Variants in RGS6 observed in about 807,000 individuals in gnomAD.
The protein encoded by RGS6 is regulator of G-protein signaling 6.
Under a neutral mutation model 78.5 loss-of-function variants are expected in RGS6, and 30 were observed. The observed-to-expected ratio is 0.38, with a 90% CI of 0.29 to 0.52. RGS6 has a LOEUF of 0.52. Ranked by LOEUF, RGS6 falls within the 20% of genes least tolerant of loss-of-function variation. RGS6 has a pLI of 0.85. For synonymous variants in RGS6, 206 were observed against 206.0 expected, an observed-to-expected ratio of 1.00 and a Z score of 0.00; for missense variants, 495 against 609.7, an observed-to-expected ratio of 0.81 and a Z score of 1.98.
At chr14:72,572,557 G>C in the RGS6 span, among the ~76,000 whole-genome samples, 1 of 152,208 alleles carries the variant, frequency 6.6e-6, no homozygotes, top group Non-Finnish European at 1.5e-5. Flanking sequence ...AAAGACTATA[G>C]ATTGTATGAC....
chr14:72,159,993 T>C, intron 2 of RGS6, among the ~76,000 whole-genome samples: 1 of 152,232 alleles, frequency 6.6e-6, no homozygotes, highest in Non-Finnish European at 1.5e-5. Context: ...TCATAATAAA[T>C]TACAGTTCTT....
chr14:72,613,255 T>C, the RGS6 span, among the ~76,000 whole-genome samples: 1 of 152,302 alleles, frequency 6.6e-6, no homozygotes, highest in East Asian at 1.9e-4. Flanking sequence ...AAGGCCCACT[T>C]ACCTGCCCTC....
rs528747533 is a variant in RGS6, at chr14:72,446,562, G to A, written c.185-7966G>A. Among the ~76,000 whole-genome samples, 9 of 152,318 alleles carry A rather than the reference G, an allele frequency of 5.9e-5. No individual in the cohort carries two copies. The South Asian group carries it at 1.9e-3, about 32-fold the overall frequency. ...CCAGGGACCAGTTTCATGGAAGACA[G>A]TTTTTCCACGGACCAGGGTTGTGGG... On this transcript the variant is annotated intron_variant, in intron 3 of 17. Coordinates refer to ENST00000553525, the MANE Select transcript of RGS6 (RefSeq NM_001204424.2).
chr14:72,613,333 C>T, the RGS6 span, among the ~76,000 whole-genome samples: 1 of 152,168 alleles, frequency 6.6e-6, no homozygotes, highest in Non-Finnish European at 1.5e-5. Flanking sequence ...CCATTTTGCT[C>T]AATGCCTGGG....
intron 17 of RGS6, among the ~76,000 whole-genome samples, chr14:72,542,721 A>G (rs1400162895): frequency 6.6e-6 from 1 of 152,212 alleles, no homozygotes; most frequent in Non-Finnish European, 1.5e-5. Context: ...GCTTGTCAAG[A>G]CTGAATCTGA....
At chr14:72,150,288 G>A (rs1425446885) in intron 2 of RGS6, among the ~76,000 whole-genome samples, 1 of 152,152 alleles carries the variant, frequency 6.6e-6, no homozygotes, top group Non-Finnish European at 1.5e-5. Context: ...CCAGAAGCTG[G>A]AAGAGGCAAG....
chr14:72,022,321 A>G (rs147320836), intron 2 of RGS6: 3 of 152,302 alleles, frequency 2.0e-5, no homozygotes, highest in Admixed American at 6.5e-5. Flanking sequence ...GTCGAATGAT[A>G]GTTCTGCTTT....
intron 2 of RGS6, among the ~76,000 whole-genome samples, chr14:72,320,719 A>G (rs1595764534): frequency 1.3e-5 from 2 of 151,760 alleles, no homozygotes; most frequent in Non-Finnish European, 2.9e-5. Flanking sequence ...AAATAAGTGC[A>G]GAAACTTTTG....
At chr14:72,476,642 G>A in intron 10 of RGS6, 100 bp from the exon 11 acceptor site, 3 of 789,988 alleles carry the variant, frequency 3.8e-6, no homozygotes, top group Admixed American at 2.4e-5. Context: ...ATTGTCATGA[G>A]GGGATTCACG....
rs1292082516 is a variant in RGS6 at position 72,556,207 on chromosome 14, T to C, written c.1423-6210T>C. On this transcript the variant is annotated intron_variant, in intron 17 of 17. Transcript: ENST00000553525. ...GGGTAATTTCTAATGAAAAGAGGTT[T>C]AATTGACTCACAGTTCCACATGGCT... 2.0e-5 allele frequency among the ~76,000 whole-genome samples: 3 copies of C among 152,334 alleles called. No homozygotes were observed. The East Asian group carries it at 5.8e-4, about 29-fold the overall frequency.
intron 2 of RGS6, among the ~76,000 whole-genome samples, chr14:72,289,274 T>G (rs1311770199): frequency 1.3e-5 from 2 of 152,134 alleles, no homozygotes; most frequent in African/African-American, 4.8e-5. Flanking sequence ...TTTCTTTGTC[T>G]CCCATGTTCT....
intron 3 of RGS6, among the ~76,000 whole-genome samples, chr14:72,442,562 G>A (rs1354679164): frequency 6.6e-6 from 1 of 152,148 alleles, no homozygotes; most frequent in Admixed American, 6.5e-5. Context: ...CATTGCTGGT[G>A]GATGAATAAA....
intron 2 of RGS6, among the ~76,000 whole-genome samples, chr14:72,011,732 T>A (rs966546144): frequency 5.3e-5 from 8 of 152,146 alleles, no homozygotes; most frequent in Admixed American, 5.2e-4. Flanking sequence ...TACACCACTT[T>A]ATATTAATAT....
chr14:71,923,336 C>T, the RGS6 span, among the ~76,000 whole-genome samples: 1 of 152,164 alleles, frequency 6.6e-6, no homozygotes, highest in East Asian at 1.9e-4. Context: ...ATATTCTGTG[C>T]ATAGGCAAAG....
chr14:71,877,451 C>T, the RGS6 span, among the ~76,000 whole-genome samples: 1 of 152,360 alleles, frequency 6.6e-6, no homozygotes, highest in Admixed American at 6.5e-5. Context: ...GATACCCTTT[C>T]TTCCAGTTGA....
At chr14:72,489,665 A>G (rs1478967247) in intron 12 of RGS6, among the ~76,000 whole-genome samples, 2 of 152,166 alleles carry the variant, frequency 1.3e-5, no homozygotes, top group African/African-American at 2.4e-5. Context: ...TGATGCAGCC[A>G]CAAGCCAAGG....
At chr14:72,490,761 C>T (rs557010120) in intron 12 of RGS6, among the ~76,000 whole-genome samples, 38 of 152,180 alleles carry the variant, frequency 2.5e-4, no homozygotes, top group African/African-American at 7.7e-4. Context: ...CTGAGGTGTC[C>T]GAAAATTTAC....
At chr14:71,869,256 A>T in the RGS6 span, among the ~76,000 whole-genome samples, 2 of 152,222 alleles carry the variant, frequency 1.3e-5, no homozygotes, top group African/African-American at 2.4e-5. Flanking sequence ...TGTGAGTGTT[A>T]GCACTGAAGA....
At chr14:72,111,361 T>C (rs193187024) in intron 2 of RGS6, among the ~76,000 whole-genome samples, 269 of 152,272 alleles carry the variant, frequency 1.8e-3, no homozygotes, top group African/African-American at 6.2e-3. Flanking sequence ...CAAATTTAAC[T>C]GGTGAATGGC....
Sources: allele counts gnomAD v4.1 joint callset (sites outside exome capture counted in the v4.1 genomes callset), GRCh38; gene constraint gnomAD v4.1.1; transcripts MANE v1.5; gene names NCBI Gene and HGNC (gene_info 2026-07-23, HGNC 2026-07-21).